TANGO6: variants seen among roughly 807,000 people sequenced by gnomAD.
TANGO6 encodes the protein transport and golgi organization 6 homolog, also known as transport and Golgi organization protein 6 homolog.
Under a neutral mutation model 114.2 loss-of-function variants are expected in TANGO6, and 90 were observed. The observed-to-expected ratio is 0.79, with a 90% CI of 0.66 to 0.94. The LOEUF (loss-of-function observed/expected upper bound fraction) is 0.94. Ranked by LOEUF, TANGO6 falls within the 40% of genes least tolerant of loss-of-function variation. The pLI, the probability that TANGO6 is intolerant of heterozygous loss-of-function variation, is 0.00. For missense variants in TANGO6, 1,274 were observed against 1,315.3 expected (o/e 0.97, Z 0.49); for synonymous variants, 477 against 509.8 (o/e 0.94, Z 0.87).
intron 15 of TANGO6, among the ~76,000 whole-genome samples, chr16:68,990,993 G>A (rs1367761305): frequency 1.3e-5 from 2 of 152,002 alleles, no homozygotes; most frequent in Non-Finnish European, 2.9e-5. Context: ...GGTAGATCTC[G>A]AACAAAGGCT....
At chr16:68,938,410 T>G (rs1333720905) in intron 14 of TANGO6, among the ~76,000 whole-genome samples, 1 of 152,146 alleles carries the variant, frequency 6.6e-6, no homozygotes, top group Non-Finnish European at 1.5e-5. Context: ...TTTGTTTCAG[T>G]AGCTATTAGA....
chr16:68,943,215 A>T, intron 14 of TANGO6, among the ~76,000 whole-genome samples: 1 of 149,004 alleles, frequency 6.7e-6, no homozygotes, highest in South Asian at 2.1e-4. Context: ...TTATATTTAT[A>T]TTCTTATTTT....
chr16:68,941,437 A>C (rs1341157784), intron 14 of TANGO6, among the ~76,000 whole-genome samples: 1 of 151,868 alleles, frequency 6.6e-6, no homozygotes, highest in Non-Finnish European at 1.5e-5. Context: ...ATTTGTATTG[A>C]GTCTGTTGAT....
chr16:68,856,642 A>G (rs1398456183), intron 1 of TANGO6, among the ~76,000 whole-genome samples: 1 of 152,204 alleles, frequency 6.6e-6, no homozygotes, highest in Non-Finnish European at 1.5e-5. Context: ...GCATTAGTGT[A>G]CTACATTTGT....
chr16:69,031,903 C>A (rs1188258366), intron 16 of TANGO6, among the ~76,000 whole-genome samples: 1 of 151,860 alleles, frequency 6.6e-6, no homozygotes, highest in Non-Finnish European at 1.5e-5. Flanking sequence ...GTTCATGCAA[C>A]CTGCCCGCCT....
chr16:69,006,661 G>C (rs1384774093), intron 15 of TANGO6, among the ~76,000 whole-genome samples: 2 of 152,132 alleles, frequency 1.3e-5, no homozygotes, highest in Non-Finnish European at 2.9e-5. Flanking sequence ...TGAGGCAGGA[G>C]AATCCCTTGA....
intron 17 of TANGO6, among the ~76,000 whole-genome samples, chr16:69,050,783 C>T (rs868684485): frequency 2.0e-5 from 3 of 151,480 alleles, no homozygotes; most frequent in Non-Finnish European, 4.4e-5. Flanking sequence ...CCACCGCGCC[C>T]GGCCCTAATT....
At chr16:69,001,463 C>A (rs1964041934) in intron 15 of TANGO6, among the ~76,000 whole-genome samples, 1 of 152,026 alleles carries the variant, frequency 6.6e-6, no homozygotes, top group South Asian at 2.1e-4. Flanking sequence ...TTTTATTTTT[C>A]TTTGTGCCTA....
At chr16:68,988,852 C>T (rs1339407272) in intron 15 of TANGO6, among the ~76,000 whole-genome samples, 1 of 151,988 alleles carries the variant, frequency 6.6e-6, no homozygotes, top group Admixed American at 6.6e-5. Flanking sequence ...GTGTGTGCCA[C>T]CACGTACAGC....
rs1280886038 is a variant in TANGO6 at position 69,040,440 on chromosome 16, C to G, written c.3108+19C>G. The stretch of plus-strand genomic sequence containing the variant: ...TACTGAGGTCAGTCCGTCTCTCGCC[C>G]TTTGCAATTTCTCCACCTCTTTTAT... On this transcript the variant is annotated intron_variant, in intron 17 of 17. Coordinates refer to ENST00000261778, the MANE Select transcript of TANGO6 (RefSeq NM_024562.2). 6.4e-7 allele frequency: 1 copy of G among 1,564,092 alleles called. No homozygotes were observed.
intron 11 of TANGO6, among the ~76,000 whole-genome samples, chr16:68,917,238 T>C (rs58988841): frequency 0.034 from 5,116 of 152,248 alleles, 117 homozygotes; most frequent in African/African-American, 0.061. Context: ...CATAGCTTGA[T>C]TGCCCATTTT....
At chr16:68,961,602 A>C (rs1963591750) in intron 14 of TANGO6, among the ~76,000 whole-genome samples, 1 of 152,254 alleles carries the variant, frequency 6.6e-6, no homozygotes. Context: ...CTTCCACTAA[A>C]TATGGCTGTC....
At chr16:68,854,581 G>A (rs1006540656) in intron 1 of TANGO6, among the ~76,000 whole-genome samples, 6 of 151,276 alleles carry the variant, frequency 4.0e-5, no homozygotes, top group Non-Finnish European at 4.4e-5. Flanking sequence ...ATCTGTTTTG[G>A]GTTAATTTTG....
intron 15 of TANGO6, among the ~76,000 whole-genome samples, chr16:69,006,417 G>C (rs759285561): frequency 1.1e-4 from 16 of 152,026 alleles, no homozygotes; most frequent in Admixed American, 2.0e-4. Context: ...TCCTCGTTCT[G>C]ACCCTTTCAT....
At chr16:69,009,844 C>T (rs1964129602) in intron 15 of TANGO6, among the ~76,000 whole-genome samples, 1 of 152,130 alleles carries the variant, frequency 6.6e-6, no homozygotes. Flanking sequence ...AACCTGAATA[C>T]TTACTTTTGG....
chr16:69,020,308 C>T (rs775617811), intron 15 of TANGO6, among the ~76,000 whole-genome samples: 4 of 152,110 alleles, frequency 2.6e-5, no homozygotes, highest in Non-Finnish European at 4.4e-5. Flanking sequence ...TTATGCAGCT[C>T]ATGACTGTAT....
chr16:69,060,041 T>A (rs191968408), intron 17 of TANGO6, among the ~76,000 whole-genome samples: 7 of 152,296 alleles, frequency 4.6e-5, no homozygotes, highest in Non-Finnish European at 1.0e-4. Flanking sequence ...TGCCTCCACA[T>A]CTTGGTCACA....
intron 16 of TANGO6, among the ~76,000 whole-genome samples, chr16:69,028,988 C>G (rs949505251): frequency 5.9e-5 from 9 of 152,156 alleles, no homozygotes; most frequent in African/African-American, 1.9e-4. Context: ...TGAACCTGAA[C>G]AATACCTGAA....
At chr16:68,918,243 G>C (rs1041251004) in intron 11 of TANGO6, among the ~76,000 whole-genome samples, 1 of 152,158 alleles carries the variant, frequency 6.6e-6, no homozygotes, top group Admixed American at 6.5e-5. Flanking sequence ...AGAGTTCTCT[G>C]TAAATTTTGG....
Sources: gnomAD v4.1 joint callset for allele counts (sites outside exome capture counted in the v4.1 genomes callset) on GRCh38, gnomAD v4.1.1 for gene constraint, MANE v1.5 for transcripts, NCBI Gene and HGNC (gene_info 2026-07-23, HGNC 2026-07-21) for gene names.